CADM2: variants seen among roughly 807,000 people sequenced by gnomAD.
CADM2 encodes the protein immunoglobulin superfamily member 4D.
In CADM2, 12 loss-of-function variants were observed where a neutral mutation model predicts 49.8. The ratio of observed to expected loss-of-function variants is 0.24; its 90% confidence interval spans 0.15 to 0.39. CADM2 has a LOEUF of 0.39. Ranked by LOEUF, CADM2 falls within the 10% of genes least tolerant of loss-of-function variation. The pLI is 1.00. For synonymous variants in CADM2, 214 were observed against 175.4 expected, an observed-to-expected ratio of 1.22 and a Z score of -1.74; for missense variants, 378 against 492.3, an observed-to-expected ratio of 0.77 and a Z score of 2.20.
At chr3:85,078,236 G>A (rs773936484) in intron 1 of CADM2, among the ~76,000 whole-genome samples, 7 of 151,866 alleles carry the variant, frequency 4.6e-5, no homozygotes, top group Non-Finnish European at 8.8e-5. Flanking sequence ...TGCAGAAAGA[G>A]AAAGAACAGA....
At chr3:85,929,611 T>C (rs1720348935) in intron 6 of CADM2, among the ~76,000 whole-genome samples, 1 of 152,030 alleles carries the variant, frequency 6.6e-6, no homozygotes, top group South Asian at 2.1e-4. Context: ...TGACAATCCA[T>C]TCATTTTGAT....
chr3:85,839,915 A>G (rs2074568315), intron 3 of CADM2, among the ~76,000 whole-genome samples: 1 of 151,916 alleles, frequency 6.6e-6, no homozygotes, highest in Non-Finnish European at 1.5e-5. Flanking sequence ...GAGGAACAAT[A>G]AGTGAAAGCA....
chr3:85,009,906 A>C lies in CADM2; in HGVS notation c.61+50238A>C, dbSNP rs921923876. ...AAATAAATAAATAAATAAATAAATA[A>C]ATATTTTAAAAAATAAATAAAATTT... On this transcript the variant is annotated intron_variant, in intron 1 of 9. Transcript: ENST00000383699. 2.7e-5 allele frequency among the ~76,000 whole-genome samples: 4 copies of C among 146,784 alleles called. 1 individual carries two copies. The highest frequency in any genetic ancestry group is 4.3e-4 in the South Asian group (2 of 4,624).
chr3:85,175,363 TTCA>T (rs1364512443), intron 1 of CADM2, among the ~76,000 whole-genome samples: 4 of 152,202 alleles, frequency 2.6e-5, no homozygotes. Context: ...AACCTAAGTG[TTCA>T]TCATTGGATG....
chr3:85,732,882 T>A (rs992206167), intron 2 of CADM2, among the ~76,000 whole-genome samples: 12 of 152,216 alleles, frequency 7.9e-5, no homozygotes, highest in African/African-American at 2.9e-4. Flanking sequence ...GAATTCAAGC[T>A]TTTAATCTAT....
intron 1 of CADM2, among the ~76,000 whole-genome samples, chr3:84,992,384 A>G (rs543836960): frequency 6.6e-6 from 1 of 152,324 alleles, no homozygotes; most frequent in East Asian, 1.9e-4. Flanking sequence ...CAATGCTAGT[A>G]CTTTGGCAAG....
intron 1 of CADM2, among the ~76,000 whole-genome samples, chr3:85,034,879 T>C (rs1333602386): frequency 6.8e-6 from 1 of 146,608 alleles, no homozygotes; most frequent in African/African-American, 2.5e-5. Context: ...TTTGGCTCAC[T>C]GCAACCTCCA....
chr3:85,202,012 G>A (rs1020066830), intron 1 of CADM2, among the ~76,000 whole-genome samples: 3 of 148,876 alleles, frequency 2.0e-5, no homozygotes, highest in Non-Finnish European at 4.4e-5. Flanking sequence ...CCAGGGAGGA[G>A]GAGGTTGCAA....
chr3:85,436,036 A>G (rs1250577974), intron 1 of CADM2, among the ~76,000 whole-genome samples: 1 of 151,844 alleles, frequency 6.6e-6, no homozygotes, highest in South Asian at 2.1e-4. Context: ...ATTAGATCCC[A>G]TTTGTCAATT....
intron 2 of CADM2, among the ~76,000 whole-genome samples, chr3:85,779,641 C>G (rs1040197617): frequency 6.6e-6 from 1 of 152,110 alleles, no homozygotes; most frequent in African/African-American, 2.4e-5. Flanking sequence ...AAACTACCTC[C>G]CACCAGGTTC....
At chr3:85,154,266 C>T (rs1004403750) in intron 1 of CADM2, among the ~76,000 whole-genome samples, 22 of 152,176 alleles carry the variant, frequency 1.4e-4, no homozygotes, top group African/African-American at 4.8e-4. Context: ...AGCTGAAAAC[C>T]AAGGCTCGAG....
At chr3:85,421,207 G>A (rs748699706) in intron 1 of CADM2, among the ~76,000 whole-genome samples, 1 of 152,084 alleles carries the variant, frequency 6.6e-6, no homozygotes, top group East Asian at 1.9e-4. Flanking sequence ...CTTCCTGGAG[G>A]TCTGCCTGCT....
chr3:85,086,239 G>A (rs571314294), intron 1 of CADM2, among the ~76,000 whole-genome samples: 9 of 152,024 alleles, frequency 5.9e-5, no homozygotes, highest in South Asian at 4.1e-4. Flanking sequence ...ATAAGAGTAC[G>A]TTAAATTTTT....
chr3:85,802,369 G>C (rs1184464764), intron 3 of CADM2, among the ~76,000 whole-genome samples, 173 bp downstream of exon 3: 1 of 152,056 alleles, frequency 6.6e-6, no homozygotes, highest in Non-Finnish European at 1.5e-5. Context: ...AAACACCAAA[G>C]ATAACCTATG....
At chr3:85,463,810 A>G (rs1340569654) in intron 1 of CADM2, among the ~76,000 whole-genome samples, 1 of 152,154 alleles carries the variant, frequency 6.6e-6, no homozygotes, top group Non-Finnish European at 1.5e-5. Context: ...TCAAGGCTCT[A>G]TGCTACTAGA....
chr3:85,955,592 G>T (rs902428679), intron 7 of CADM2, among the ~76,000 whole-genome samples: 1 of 151,402 alleles, frequency 6.6e-6, no homozygotes, highest in East Asian at 2.0e-4. Flanking sequence ...AAGTACTGTC[G>T]CTATGGTATA....
chr3:85,581,950 T>G (rs1352378856), intron 1 of CADM2, among the ~76,000 whole-genome samples: 2 of 152,138 alleles, frequency 1.3e-5, no homozygotes. Flanking sequence ...TGTTTTTTAA[T>G]GAAGTCTTGC....
chr3:85,730,187 A>T (rs540853607), intron 2 of CADM2, among the ~76,000 whole-genome samples: 327 of 152,186 alleles, frequency 2.1e-3, no homozygotes, highest in Non-Finnish European at 2.3e-3. Context: ...CATGCCTGTA[A>T]TCCCAGCACT....
chr3:85,611,542 A>C (rs1218428220), intron 1 of CADM2, among the ~76,000 whole-genome samples: 1 of 150,996 alleles, frequency 6.6e-6, no homozygotes, highest in Non-Finnish European at 1.5e-5. Context: ...TAATAACAGG[A>C]GCTAATAAAC....
Sources: gnomAD v4.1 joint callset for allele counts (sites outside exome capture counted in the v4.1 genomes callset) on GRCh38, gnomAD v4.1.1 for gene constraint, MANE v1.5 for transcripts, NCBI Gene and HGNC (gene_info 2026-07-23, HGNC 2026-07-21) for gene names.